TNR: variants seen among roughly 807,000 people sequenced by gnomAD.
TNR encodes the protein tenascin-R.
Under a neutral mutation model 150.4 loss-of-function variants are expected in TNR, and 45 were observed. The ratio of observed to expected loss-of-function variants is 0.30; its 90% CI spans 0.24 to 0.38. TNR has a LOEUF of 0.38. Ranked by LOEUF, TNR falls within the 10% of genes least tolerant of loss-of-function variation. TNR has a pLI of 1.00. For missense variants in TNR, 1,544 were observed against 1,759.1 expected, an observed-to-expected ratio of 0.88 and a Z score of 2.19; for synonymous variants, 687 against 678.4, an observed-to-expected ratio of 1.01 and a Z score of -0.20.
chr1:175,724,158 A>G (rs1667415691), intron 1 of TNR, among the ~76,000 whole-genome samples: 1 of 152,190 alleles, frequency 6.6e-6, no homozygotes, highest in Admixed American at 6.5e-5. Context: ...TCACATTACT[A>G]TAAAGAAACA....
At position 175,470,309 on chromosome 1, in the gene TNR, A is replaced by G. The variant is rs144579084; in HGVS notation, c.-64+57960T>C. On this transcript the variant is annotated intron_variant, in intron 2 of 22. Coordinates refer to ENST00000367674, the MANE Select transcript of TNR (RefSeq NM_003285.3). ...AAGAAAAGAAGGCAGGAAATGACATAGGGGGATCATCAGCATGCAAAGGGC... is the reference window on the plus strand; with the variant it reads ...AAGAAAAGAAGGCAGGAAATGACATGGGGGGATCATCAGCATGCAAAGGGC... Among the ~76,000 whole-genome samples, 400 of 152,236 alleles carry G rather than the reference A, an allele frequency of 2.6e-3. 3 individuals carry two copies. Among genetic ancestry groups the G allele is most frequent in the African/African-American group, 8.7e-3 (363 of 41,524 alleles).
intron 2 of TNR, among the ~76,000 whole-genome samples, chr1:175,485,684 C>T (rs181955979): frequency 3.3e-4 from 50 of 152,262 alleles, no homozygotes; most frequent in African/African-American, 1.0e-3. Flanking sequence ...GCTCTCCCCC[C>T]ACTTTTCAAG....
intron 1 of TNR, among the ~76,000 whole-genome samples, chr1:175,538,270 C>T (rs564957684): frequency 6.6e-6 from 1 of 152,214 alleles, no homozygotes; most frequent in South Asian, 2.1e-4. Context: ...GACTACAAGG[C>T]CACTGTCTTT....
intron 1 of TNR, among the ~76,000 whole-genome samples, chr1:175,605,697 C>T (rs1227910656): frequency 6.6e-6 from 1 of 152,280 alleles, no homozygotes; most frequent in East Asian, 1.9e-4. Flanking sequence ...TTTTCTCCTT[C>T]CTTCTTTTTA....
intron 1 of TNR, among the ~76,000 whole-genome samples, chr1:175,720,248 C>T (rs753151413): frequency 5.3e-5 from 8 of 152,204 alleles, no homozygotes; most frequent in Non-Finnish European, 8.8e-5. Context: ...AGCTCACTTG[C>T]TCTCTTGTGC....
At chr1:175,596,506 A>G (rs1391721781) in intron 1 of TNR, among the ~76,000 whole-genome samples, 1 of 152,246 alleles carries the variant, frequency 6.6e-6, no homozygotes, top group Non-Finnish European at 1.5e-5. Flanking sequence ...CAAAAGAAAA[A>G]GAACTTTGAG....
At chr1:175,334,108 G>A (rs1044821085) in intron 20 of TNR, among the ~76,000 whole-genome samples, 2 of 152,070 alleles carry the variant, frequency 1.3e-5, no homozygotes, top group African/African-American at 4.8e-5. Flanking sequence ...TTTACAAAGG[G>A]GATTAGCCAT....
chr1:175,602,070 C>A (rs1319778820), intron 1 of TNR, among the ~76,000 whole-genome samples: 1 of 152,074 alleles, frequency 6.6e-6, no homozygotes, highest in Non-Finnish European at 1.5e-5. Context: ...CAACCAGACT[C>A]TCCTCTGAGT....
At chr1:175,377,299 AG>A (rs1025237365) in intron 9 of TNR, among the ~76,000 whole-genome samples, 11 of 152,234 alleles carry the variant, frequency 7.2e-5, no homozygotes, top group Non-Finnish European at 1.3e-4. Context: ...AATAATAACT[AG>A]GACGTGGGGT....
chr1:175,607,631 C>T (rs1027711769), intron 1 of TNR, among the ~76,000 whole-genome samples: 32 of 152,172 alleles, frequency 2.1e-4, no homozygotes, highest in African/African-American at 7.7e-4. Context: ...AAACACAATA[C>T]GTTACAGTGG....
intron 1 of TNR, among the ~76,000 whole-genome samples, chr1:175,738,114 G>A (rs1667825680): frequency 6.6e-6 from 1 of 152,088 alleles, no homozygotes; most frequent in South Asian, 2.1e-4. Flanking sequence ...TCCTCCGTTT[G>A]CCTCCAAGAA....
chr1:175,530,830 TC>T, intron 1 of TNR, among the ~76,000 whole-genome samples: 1 of 152,150 alleles, frequency 6.6e-6, no homozygotes, highest in Non-Finnish European at 1.5e-5. Flanking sequence ...CTTTTAGACT[TC>T]CTTTCACGCT....
intron 18 of TNR, among the ~76,000 whole-genome samples, chr1:175,344,748 A>G (rs563113634): frequency 2.1e-4 from 32 of 152,346 alleles, no homozygotes; most frequent in Middle Eastern, 3.4e-3. Flanking sequence ...AGGCCTAGGT[A>G]TCTTCACTGT....
chr1:175,466,031 G>C lies in TNR; in HGVS notation c.-63-59254C>G, dbSNP rs78020856. 4.5e-3 allele frequency among the ~76,000 whole-genome samples: 686 copies of C among 152,298 alleles called. 3 individuals are homozygous for C. The highest frequency in any genetic ancestry group is 7.4e-3 in the Non-Finnish European group (502 of 68,038). On this transcript the variant is annotated intron_variant, in intron 2 of 22. Transcript: ENST00000367674. ...CTGCCTCTGGTCTCTTGAACTTGCT[G>C]TGTGGAATTGGTCTTTCCTGTGGTG...
intron 1 of TNR, among the ~76,000 whole-genome samples, chr1:175,575,452 G>C (rs1237025215): frequency 6.6e-6 from 1 of 152,180 alleles, no homozygotes; most frequent in Non-Finnish European, 1.5e-5. Flanking sequence ...GCATTCATGG[G>C]TACTCATCTC....
chr1:175,391,365 C>T lies in TNR; in HGVS notation c.1430G>A (p.Gly477Glu). 6.2e-7 allele frequency: 1 copy of T among 1,614,184 alleles called. No homozygotes were observed. The highest frequency in any genetic ancestry group is 1.7e-5 in the Admixed American group (1 of 60,024). The change falls in exon 7 of 23, where the codon GGG (glycine) becomes GAG (glutamate). Residue 477 changes from glycine to glutamate, a missense_variant. Gly to Glu is a moderately conservative substitution (Grantham distance 98). This residue lies in a region of TNR where 1,254 missense variants were observed against 1,329.4 expected (regional missense o/e 0.94). Coordinates refer to ENST00000367674, the MANE Select transcript of TNR (RefSeq NM_003285.3). Reference sequence around the variant, plus strand: ...CACCACATTGACAATGTATTCCTCCCCAGGCTTTAGTCCTGTCTGGTTAAA... The same window carrying T: ...CACCACATTGACAATGTATTCCTCCTCAGGCTTTAGTCCTGTCTGGTTAAA... ...TSFNQTGLKP[G>E]EEYIVNVVAL...
intron 1 of TNR, among the ~76,000 whole-genome samples, chr1:175,655,536 G>C (rs891472811): frequency 1.1e-4 from 17 of 152,168 alleles, no homozygotes; most frequent in Non-Finnish European, 1.9e-4. Context: ...CACCACACTA[G>C]GCTGCTCCTT....
At chr1:175,392,474 A>G (rs1318398961) in intron 6 of TNR, among the ~76,000 whole-genome samples, 3 of 152,190 alleles carry the variant, frequency 2.0e-5, no homozygotes, top group Non-Finnish European at 4.4e-5. Context: ...TTTTAATTAG[A>G]GTTTTACATA....
chr1:175,499,306 C>A (rs1292401991), intron 2 of TNR, among the ~76,000 whole-genome samples: 1 of 152,080 alleles, frequency 6.6e-6, no homozygotes, highest in Non-Finnish European at 1.5e-5. Flanking sequence ...AAATAATTGA[C>A]ATGTTTGAGT....
Sources: allele counts gnomAD v4.1 joint callset (sites outside exome capture counted in the v4.1 genomes callset), GRCh38; gene constraint gnomAD v4.1.1; regional missense constraint gnomAD v4.1.1; transcripts MANE v1.5; gene names NCBI Gene and HGNC (gene_info 2026-07-23, HGNC 2026-07-21).